Variants in ETV1 observed in about 807,000 individuals in gnomAD.
ETV1 encodes ETS variant transcription factor 1.
Under a neutral mutation model 62.3 loss-of-function variants are expected in ETV1, and 27 were observed. The ratio of observed to expected loss-of-function variants is 0.43; its 90% CI spans 0.32 to 0.60. The LOEUF is 0.60. ETV1 is among the 20% of genes least tolerant of loss of function. The pLI is 0.06. For missense variants in ETV1, 605 were observed against 605.8 expected (o/e 1.00, Z 0.01); for synonymous variants, 222 against 199.6 (o/e 1.11, Z -0.94).
chr7:13,902,562 C>G (rs73274805), intron 12 of ETV1, among the ~76,000 whole-genome samples: 217 of 152,142 alleles, frequency 1.4e-3, no homozygotes, highest in African/African-American at 4.9e-3. Flanking sequence ...AAAGCATTTT[C>G]TAAAGAATAT....
intron 6 of ETV1, among the ~76,000 whole-genome samples, chr7:13,943,427 A>G (rs1787791558): frequency 6.6e-6 from 1 of 152,190 alleles, no homozygotes; most frequent in African/African-American, 2.4e-5. Context: ...GAGGGTATGG[A>G]TTAGTATAAT....
intron 5 of ETV1, among the ~76,000 whole-genome samples, chr7:13,985,112 AT>A (rs969860954): frequency 2.6e-5 from 4 of 152,062 alleles, no homozygotes; most frequent in African/African-American, 9.7e-5. Flanking sequence ...TAAAATAGAT[AT>A]TTTAAGTTAT....
chr7:13,959,593 G>C (rs1274661971), intron 6 of ETV1, among the ~76,000 whole-genome samples: 5 of 151,924 alleles, frequency 3.3e-5, no homozygotes, highest in African/African-American at 1.2e-4. Flanking sequence ...CTTAAAAATG[G>C]TTTGTTCTGG....
At chr7:13,967,347 C>A (rs903288628) in intron 6 of ETV1, among the ~76,000 whole-genome samples, 7 of 151,894 alleles carry the variant, frequency 4.6e-5, no homozygotes, top group African/African-American at 1.7e-4. Context: ...CAAAACAAAC[C>A]AAAAAAACTT....
At chr7:13,920,588 T>A (rs1459362216) in intron 9 of ETV1, among the ~76,000 whole-genome samples, 1 of 152,166 alleles carries the variant, frequency 6.6e-6, no homozygotes, top group East Asian at 1.9e-4. Flanking sequence ...AAAACTGGTA[T>A]GATTGGTTTA....
At chr7:13,910,735 C>G (rs17167640) in intron 10 of ETV1, among the ~76,000 whole-genome samples, 14,775 of 152,172 alleles carry the variant, frequency 0.097, 1,025 homozygotes, top group East Asian at 0.26. Context: ...GCTTTCCTAC[C>G]ACGGTTACCA....
intron 7 of ETV1, 45 bp from the exon 8 acceptor site, chr7:13,935,941 C>T: frequency 6.9e-7 from 1 of 1,442,498 alleles, no homozygotes; most frequent in Non-Finnish European, 9.4e-7. Flanking sequence ...TTCTTTGGAG[C>T]AATTTTTTAA....
chr7:13,895,561 T>G lies in ETV1; in HGVS notation c.*305A>C, dbSNP rs1435390293. On this transcript the variant is annotated 3_prime_UTR_variant, in exon 14 of 14. Coordinates refer to ENST00000430479, the MANE Select transcript of ETV1 (RefSeq NM_004956.5). The stretch of plus-strand genomic sequence containing the variant: ...AAACAGACATGATATAGTTTCATCA[T>G]ACTCAAAACTTGTAGGACCCCATCC... 2 of 355,774 alleles carry G rather than the reference T, an allele frequency of 5.6e-6. No individual in the cohort carries two copies. The highest frequency in any genetic ancestry group is 1.0e-5 in the Non-Finnish European group (2 of 194,310). The allele number at this position is 355,774 out of a possible 1,614,324, so 22.0% of individuals were successfully genotyped here.
chr7:13,913,178 T>C (rs1783726977), intron 9 of ETV1, among the ~76,000 whole-genome samples: 1 of 152,238 alleles, frequency 6.6e-6, no homozygotes, highest in Admixed American at 6.5e-5. Flanking sequence ...ATGCATTCAG[T>C]TCTGTTTCTT....
intron 8 of ETV1, among the ~76,000 whole-genome samples, chr7:13,934,191 A>G (rs1786515577): frequency 6.6e-6 from 1 of 152,212 alleles, no homozygotes; most frequent in African/African-American, 2.4e-5. Context: ...TGCACATACC[A>G]TTGCACTCTG....
rs777196409 is a variant in ETV1, at chr7:13,977,151, AAT to A, written c.235+274_235+275del. Among the ~76,000 whole-genome samples, 5 of 152,322 alleles carry A rather than the reference AAT, an allele frequency of 3.3e-5. No individual in the cohort carries two copies. The East Asian group carries it at 5.8e-4, about 18-fold the overall frequency. ...CTATTTCCTCCCAAAGATATTTACC[AAT>A]ATGAAGAACAAGACCATCTTTCAAT... On this transcript the variant is annotated intron_variant, in intron 6 of 13. Coordinates refer to ENST00000430479, the MANE Select transcript of ETV1 (RefSeq NM_004956.5).
At chr7:13,913,743 G>A (rs1783812058) in intron 9 of ETV1, among the ~76,000 whole-genome samples, 1 of 151,860 alleles carries the variant, frequency 6.6e-6, no homozygotes, top group Non-Finnish European at 1.5e-5. Context: ...TTGATTATTA[G>A]TGTATCTATT....
intron 6 of ETV1, among the ~76,000 whole-genome samples, chr7:13,953,880 G>A (rs1331630235): frequency 2.0e-5 from 3 of 152,162 alleles, no homozygotes; most frequent in African/African-American, 7.2e-5. Flanking sequence ...ACAGACGATA[G>A]TGGATGAAGA....
In ETV1 at chr7:13,892,161, A is replaced by C. The variant is rs968738296; in HGVS notation, c.*3705T>G. On this transcript the variant is annotated 3_prime_UTR_variant, in exon 14 of 14. Transcript: ENST00000430479. The stretch of plus-strand genomic sequence containing the variant: ...AATCACTAGCAAATGATAAGATCAC[A>C]TAGTAACCCATATTAACACCAAAAG... 4.3e-6 allele frequency: 1 copy of C among 232,408 alleles called. No homozygotes were observed. The highest frequency in any genetic ancestry group is 8.5e-6 in the Non-Finnish European group (1 of 117,642). The allele number at this position is 232,408 out of a possible 1,614,324, so 14.4% of individuals were successfully genotyped here. A position where few individuals can be genotyped will look rare whatever the true frequency, so the allele number is the denominator to read the frequency against.
intron 5 of ETV1, chr7:13,986,248 A>G: frequency 6.5e-7 from 1 of 1,540,644 alleles, no homozygotes; most frequent in South Asian, 1.2e-5. Context: ...CCAAATAATG[A>G]TATGCGCTGC....
intron 6 of ETV1, among the ~76,000 whole-genome samples, chr7:13,953,177 T>G (rs1479981905): frequency 2.0e-5 from 3 of 152,152 alleles, no homozygotes; most frequent in Admixed American, 6.5e-5. Context: ...CATATCCAAC[T>G]GGCAGGAATA....
At chr7:13,960,582 A>T (rs983458101) in intron 6 of ETV1, among the ~76,000 whole-genome samples, 1 of 152,098 alleles carries the variant, frequency 6.6e-6, no homozygotes, top group Non-Finnish European at 1.5e-5. Context: ...TCCAATCTAT[A>T]AATCTATAAA....
chr7:13,906,775 A>T (rs1783012351), intron 11 of ETV1, among the ~76,000 whole-genome samples, 176 bp from the exon 12 acceptor site: 1 of 152,220 alleles, frequency 6.6e-6, no homozygotes, highest in Admixed American at 6.5e-5. Flanking sequence ...GTTGAATATA[A>T]ATGAGCAAGC....
chr7:13,919,145 A>C (rs79269004), intron 9 of ETV1, among the ~76,000 whole-genome samples: 7,762 of 152,248 alleles, frequency 0.051, 249 homozygotes, highest in East Asian at 0.13. Flanking sequence ...GACTTTATAA[A>C]CATAACCATA....
Sources: gnomAD v4.1 joint callset for allele counts (sites outside exome capture counted in the v4.1 genomes callset) on GRCh38, gnomAD v4.1.1 for gene constraint, MANE v1.5 for transcripts, NCBI Gene and HGNC (gene_info 2026-07-23, HGNC 2026-07-21) for gene names.